The following DROSHA variants were observed in gnomAD, a reference collection of about 807,000 sequenced individuals.
The protein encoded by DROSHA is drosha ribonuclease III, also known as ribonuclease 3.
In DROSHA, 56 loss-of-function variants were observed where a neutral mutation model predicts 181.9. The observed-to-expected ratio is 0.31, with a 90% CI of 0.25 to 0.38. DROSHA has a LOEUF of 0.38. Among genes scored for constraint, DROSHA ranks in the 10% least tolerant of loss-of-function variants. The pLI, the probability that DROSHA is intolerant of heterozygous loss-of-function variation, is 1.00. For missense variants in DROSHA, 1,218 were observed against 1,743.5 expected (o/e 0.70, Z 5.37); for synonymous variants, 524 against 591.2 (o/e 0.89, Z 1.65).
At chr5:31,402,609 G>C (rs958033655) in intron 35 of DROSHA, among the ~76,000 whole-genome samples, 2 of 152,184 alleles carry the variant, frequency 1.3e-5, no homozygotes, top group East Asian at 3.9e-4. Flanking sequence ...ACTGGGGTCA[G>C]GTACCCCCAT....
At chr5:31,492,431 G>C (rs1285731781) in intron 13 of DROSHA, among the ~76,000 whole-genome samples, 1 of 152,202 alleles carries the variant, frequency 6.6e-6, no homozygotes, top group African/African-American at 2.4e-5. Flanking sequence ...TCAAATTGCA[G>C]ATGTAATTTC....
intron 23 of DROSHA, among the ~76,000 whole-genome samples, chr5:31,447,326 C>T (rs547358160): frequency 1.3e-5 from 2 of 152,226 alleles, no homozygotes; most frequent in South Asian, 4.1e-4. Context: ...GTACAACAAA[C>T]CCCCATGACA....
intron 13 of DROSHA, among the ~76,000 whole-genome samples, chr5:31,490,312 G>A (rs951934197): frequency 6.6e-6 from 1 of 151,730 alleles, no homozygotes; most frequent in African/African-American, 2.4e-5. Flanking sequence ...TTCCAGAGTA[G>A]CTGGGACTAC....
chr5:31,459,893 C>CA (rs1554032447), intron 20 of DROSHA, among the ~76,000 whole-genome samples: 1 of 151,428 alleles, frequency 6.6e-6, no homozygotes, highest in Non-Finnish European at 1.5e-5. Flanking sequence ...CCTGTGCTTC[C>CA]TTTTTTTTTC....
chr5:31,469,185 C>T (rs979025253), intron 17 of DROSHA, among the ~76,000 whole-genome samples: 1 of 152,094 alleles, frequency 6.6e-6, no homozygotes, highest in Non-Finnish European at 1.5e-5. Context: ...AGTGAAACCC[C>T]ATCTCTACTA....
intron 17 of DROSHA, among the ~76,000 whole-genome samples, chr5:31,469,121 G>A (rs1445838999): frequency 6.6e-6 from 1 of 152,170 alleles, no homozygotes; most frequent in Non-Finnish European, 1.5e-5. Flanking sequence ...ACCTTTGGGA[G>A]GCCAAGGCGG....
intron 11 of DROSHA, among the ~76,000 whole-genome samples, chr5:31,501,650 A>G (rs923184578): frequency 6.6e-6 from 1 of 151,024 alleles, no homozygotes; most frequent in Non-Finnish European, 1.5e-5. Context: ...TTAACCAAGC[A>G]GGAACTCTGA....
At chr5:31,500,351 C>T (rs141671456) in intron 11 of DROSHA, among the ~76,000 whole-genome samples, 2 of 152,302 alleles carry the variant, frequency 1.3e-5, no homozygotes, top group Admixed American at 6.5e-5. Context: ...AGGGCCAGAA[C>T]ATAAAATTGT....
chr5:31,502,297 T>C (rs1753655636), intron 11 of DROSHA, among the ~76,000 whole-genome samples: 1 of 152,182 alleles, frequency 6.6e-6, no homozygotes, highest in African/African-American at 2.4e-5. Flanking sequence ...CCTATAATGT[T>C]GGTGGGAAAA....
chr5:31,451,604 G>A lies in DROSHA; in HGVS notation c.2611C>T (p.Arg871Cys), dbSNP rs372313396. 18 of 1,612,480 alleles carry A rather than the reference G, an allele frequency of 1.1e-5. No individual in the cohort carries two copies. Among genetic ancestry groups the A allele is most frequent in the African/African-American group, 4.0e-5 (3 of 74,856 alleles). Residue 871 changes from arginine (R) to cysteine (C), a missense_variant, in exon 21 of 36, where the codon CGC becomes TGC. Arg to Cys is a radical substitution (Grantham distance 180, BLOSUM62 -3). Coordinates refer to ENST00000344624, the MANE Select transcript of DROSHA (RefSeq NM_001382508.1). ...MMLPVLTHHI[R>C]YHQCLMHLDK... is the part of the protein sequence containing the mutation. Reference sequence around the variant, plus strand: ...AAATGCATTAGGCATTGGTGGTAGCGGATATGATGGGTCAGAACAGGTAGC... The same window carrying A: ...AAATGCATTAGGCATTGGTGGTAGCAGATATGATGGGTCAGAACAGGTAGC...
intron 3 of DROSHA, among the ~76,000 whole-genome samples, chr5:31,529,319 C>A (rs1740948759): frequency 6.6e-6 from 1 of 152,134 alleles, no homozygotes. Flanking sequence ...GTTTTGCCAA[C>A]TCAAAACTAT....
In DROSHA at chr5:31,410,816, G is replaced by T; in HGVS notation, c.3597C>A (p.Tyr1199Ter). Residue 1199 changes from tyrosine to a stop codon, truncating the protein, a stop_gained, in exon 31 of 36, where the codon TAC (tyrosine) becomes TAA (stop). Transcript: ENST00000344624. LOFTEE classifies it high-confidence loss of function. ...KVAEELGMQE[Y>*]AITNDKTKRP... ...TCTTGGTCTTGTCGTTGGTTATGGC[G>T]TACTCCTGCATGCCCAGCTCCTCCG... The T allele has an allele frequency of 1.9e-6, 3 of 1,613,954 alleles. No individual in the cohort carries two copies. Among genetic ancestry groups the T allele is most frequent in the Non-Finnish European group, 2.5e-6 (3 of 1,179,846 alleles).
chr5:31,433,214 T>C (rs768246884), intron 25 of DROSHA, among the ~76,000 whole-genome samples: 4 of 152,238 alleles, frequency 2.6e-5, no homozygotes, highest in Non-Finnish European at 5.9e-5. Context: ...ATATATGCTG[T>C]AGTATTTTAT....
chr5:31,419,116 A>G (rs1742323393), intron 30 of DROSHA, among the ~76,000 whole-genome samples: 1 of 152,162 alleles, frequency 6.6e-6, no homozygotes, highest in Admixed American at 6.5e-5. Context: ...GTAGCTAAAG[A>G]GGTAAGAGGA....
At chr5:31,410,634 C>T (rs1651566132) in intron 31 of DROSHA, 112 bp downstream of exon 31, 1 of 1,411,674 alleles carries the variant, frequency 7.1e-7, no homozygotes, top group Non-Finnish European at 9.4e-7. Context: ...ATTAAAATAG[C>T]AAACAAGGTT....
At chr5:31,529,256 A>C (rs1159200085) in intron 3 of DROSHA, 151 bp from the exon 4 acceptor site, 13 of 675,420 alleles carry the variant, frequency 1.9e-5, no homozygotes, top group Non-Finnish European at 2.9e-5. Flanking sequence ...ACTGTGTTAA[A>C]GTTTCCAACT....
intron 13 of DROSHA, among the ~76,000 whole-genome samples, chr5:31,491,536 G>A (rs1319998223): frequency 1.3e-5 from 2 of 152,036 alleles, no homozygotes; most frequent in African/African-American, 2.4e-5. Context: ...GAAATAAGAG[G>A]AAGAATAGTT....
intron 10 of DROSHA, 38 bp downstream of exon 10, chr5:31,508,583 G>A: frequency 6.2e-7 from 1 of 1,613,294 alleles, no homozygotes; most frequent in Non-Finnish European, 8.5e-7. Flanking sequence ...TTATGTCTGG[G>A]TTTGCAACCT....
chr5:31,515,051 C>T lies in DROSHA; in HGVS notation c.1227G>A (p.Lys409=). Residue 409 remains lysine (K), a synonymous_variant, in exon 8 of 36, where the codon AAG becomes AAA. Transcript: ENST00000344624. ...KNEEEEEELL[K]PVWIRCTHSE... is the part of the protein sequence containing the mutation. ...AATGAGTGCATCGAATCCACACAGG[C>T]TTAAGAAGTTCTTCTTCTTCCTCCT... 1 of 1,613,998 alleles carries T rather than the reference C, an allele frequency of 6.2e-7. No individual in the cohort carries two copies. Among genetic ancestry groups the T allele is most frequent in the Non-Finnish European group, 8.5e-7 (1 of 1,179,888 alleles).
Sources: allele counts gnomAD v4.1 joint callset (sites outside exome capture counted in the v4.1 genomes callset), GRCh38; gene constraint gnomAD v4.1.1; transcripts MANE v1.5; gene names NCBI Gene and HGNC (gene_info 2026-07-23, HGNC 2026-07-21).